The following MREG variants were observed in gnomAD, a reference collection of about 807,000 sequenced individuals.
MREG encodes the protein dilute suppressor protein homolog.
A neutral mutation model predicts 28.5 loss-of-function variants in MREG; 31 were observed. The observed-to-expected ratio is 1.09, with a 90% CI of 0.82 to 1.47. The LOEUF (loss-of-function observed/expected upper bound fraction) is 1.47. MREG is among the 40% of genes most tolerant of loss of function. The probability of loss-of-function intolerance (pLI) is 0.00; values close to 1 mark genes in which losing one functional copy is unlikely to be tolerated. For synonymous variants in MREG, 106 were observed against 95.2 expected, an observed-to-expected ratio of 1.11 and a Z score of -0.66; for missense variants, 256 against 257.4, an observed-to-expected ratio of 0.99 and a Z score of 0.04.
At chr2:216,019,432 A>G (rs1003424911) in intron 1 of MREG, among the ~76,000 whole-genome samples, 1 of 151,692 alleles carries the variant, frequency 6.6e-6, no homozygotes, top group Non-Finnish European at 1.5e-5. Context: ...AGAAACAGAC[A>G]CTATCTATCT....
intron 1 of MREG, among the ~76,000 whole-genome samples, chr2:216,002,476 T>C (rs376236450): frequency 1.3e-5 from 2 of 152,044 alleles, no homozygotes; most frequent in East Asian, 1.9e-4. Flanking sequence ...ACTTTACTGC[T>C]CTCCCCACAG....
chr2:215,997,692 T>C (rs1185320247), intron 1 of MREG, among the ~76,000 whole-genome samples: 1 of 152,148 alleles, frequency 6.6e-6, no homozygotes, highest in East Asian at 1.9e-4. Flanking sequence ...ATATGCAAGC[T>C]GCTAAGAGAA....
At chr2:215,992,346 G>A (rs1693740194) in intron 2 of MREG, among the ~76,000 whole-genome samples, 1 of 152,108 alleles carries the variant, frequency 6.6e-6, no homozygotes, top group Non-Finnish European at 1.5e-5. Flanking sequence ...AAATTCAACA[G>A]CCCTTCATGC....
intron 2 of MREG, among the ~76,000 whole-genome samples, chr2:215,994,371 A>C (rs1336875353): frequency 1.3e-5 from 2 of 151,358 alleles, no homozygotes; most frequent in Non-Finnish European, 2.9e-5. Flanking sequence ...ATGAGAACAC[A>C]GGGACACGGG....
Position 215,943,613 on chromosome 2 carries a change from A to AAGGTG in MREG, c.*1249_*1250insCACCT. On this transcript the variant is annotated 3_prime_UTR_variant, in exon 5 of 5. Coordinates refer to ENST00000263268, the MANE Select transcript of MREG (RefSeq NM_018000.3). ...TCCCAGCACTTTGGGAGGCTGGGGC[A>AAGGTG]GGCGGATGACGAGGTCAGGAGATCG... is the stretch of plus-strand genomic sequence containing the variant. The AAGGTG allele has an allele frequency of 4.9e-5, 20 of 405,320 alleles. No individual in the cohort carries two copies. Among genetic ancestry groups the AAGGTG allele is most frequent in the Non-Finnish European group, 7.4e-5 (15 of 202,344 alleles). 25.1% of individuals were successfully genotyped at this position (405,320 alleles called of 1,614,324 possible).
chr2:215,989,440 G>A (rs186000706), intron 2 of MREG, among the ~76,000 whole-genome samples: 133 of 152,272 alleles, frequency 8.7e-4, no homozygotes, highest in African/African-American at 3.1e-3. Flanking sequence ...AGATGAGGAA[G>A]ACCAGTGCAA....
Position 216,013,420 on chromosome 2 carries a change from C to A in MREG, c.-93G>T. The A allele has an allele frequency of 1.1e-6, 1 of 902,802 alleles. No individual in the cohort carries two copies. Among genetic ancestry groups the A allele is most frequent in the South Asian group, 3.4e-5 (1 of 29,248 alleles). The allele number at this position is 902,802 out of a possible 1,614,324, so 55.9% of individuals were successfully genotyped here. On this transcript the variant is annotated 5_prime_UTR_variant, in exon 1 of 5. Transcript: ENST00000263268. ...GGGGCGCGGCCACCGCGCCAGCGTC[C>A]AGGTGCGGGGACAGCGGCAGCCCGG...
At chr2:216,032,154 G>A (rs1356810342) in intron 1 of MREG, among the ~76,000 whole-genome samples, 2 of 152,092 alleles carry the variant, frequency 1.3e-5, no homozygotes, top group African/African-American at 2.4e-5. Context: ...TCAAATCCTT[G>A]CTATTTAAGT....
chr2:215,999,718 G>A lies in MREG; in HGVS notation c.96-3253C>T, dbSNP rs116445908. Among the ~76,000 whole-genome samples the A allele has an allele frequency of 6.4e-4, 97 of 152,306 alleles. 1 individual carries two copies. The highest frequency in any genetic ancestry group is 2.1e-3 in the African/African-American group (87 of 41,558). Reference sequence around the variant, plus strand: ...ACCGATTCCAGCAGCATCAGAGAGCGGGTGACAGCAGCCCATGGTGGGAGG... The same window carrying A: ...ACCGATTCCAGCAGCATCAGAGAGCAGGTGACAGCAGCCCATGGTGGGAGG... On this transcript the variant is annotated intron_variant, in intron 1 of 4. Transcript: ENST00000263268.
At chr2:215,983,454 T>G (rs1305489757) in intron 2 of MREG, among the ~76,000 whole-genome samples, 2 of 152,220 alleles carry the variant, frequency 1.3e-5, no homozygotes, top group Non-Finnish European at 2.9e-5. Flanking sequence ...ATAGGCTAAG[T>G]GTATGACCCA....
intron 2 of MREG, among the ~76,000 whole-genome samples, chr2:215,995,996 T>C (rs948232751): frequency 3.9e-5 from 6 of 152,218 alleles, no homozygotes; most frequent in Admixed American, 3.3e-4. Context: ...ACTGGAAAGA[T>C]TAGAGATGGA....
At chr2:215,957,218 T>A (rs1328331902) in intron 2 of MREG, among the ~76,000 whole-genome samples, 1 of 152,146 alleles carries the variant, frequency 6.6e-6, no homozygotes, top group Non-Finnish European at 1.5e-5. Flanking sequence ...AAAACACAAT[T>A]GAAATCTGGG....
chr2:216,018,646 C>T (rs990065022), intron 1 of MREG, among the ~76,000 whole-genome samples: 68 of 152,336 alleles, frequency 4.5e-4, no homozygotes, highest in African/African-American at 1.6e-3. Flanking sequence ...CCCAAGTGAT[C>T]CAAGATAGAG....
In MREG at chr2:215,993,169, A is replaced by G. The variant is rs138758744; in HGVS notation, c.255+3137T>C. ...ATGCTATGCTACCTGACTTCAAACT[A>G]TATTACAAGGCTACAGTAACCAAAA... On this transcript the variant is annotated intron_variant, in intron 2 of 4. Transcript: ENST00000263268. Among the ~76,000 whole-genome samples, 1,127 of 152,326 alleles carry G rather than the reference A, an allele frequency of 7.4e-3. 10 individuals carry two copies. The highest frequency in any genetic ancestry group is 0.025 in the African/African-American group (1,057 of 41,566).
At chr2:215,948,997 G>A (rs563776988) in intron 2 of MREG, among the ~76,000 whole-genome samples, 12 of 148,278 alleles carry the variant, frequency 8.1e-5, no homozygotes, top group African/African-American at 3.0e-4. Context: ...GAGGTCAGGA[G>A]TTCGATACCA....
chr2:215,959,056 C>T (rs1692711716), intron 2 of MREG, among the ~76,000 whole-genome samples: 1 of 152,062 alleles, frequency 6.6e-6, no homozygotes. Context: ...AGCTGATCCC[C>T]CTCACTCTCA....
chr2:215,970,240 A>G (rs1166618765), intron 2 of MREG, among the ~76,000 whole-genome samples: 2 of 152,160 alleles, frequency 1.3e-5, no homozygotes, highest in Non-Finnish European at 2.9e-5. Flanking sequence ...ACAAAGATAC[A>G]GGGAGAAGAC....
chr2:215,955,674 A>C (rs1356170092), intron 2 of MREG, among the ~76,000 whole-genome samples: 1 of 152,214 alleles, frequency 6.6e-6, no homozygotes, highest in Non-Finnish European at 1.5e-5. Flanking sequence ...CTTAAAATGA[A>C]GAGGGATTAT....
intron 2 of MREG, among the ~76,000 whole-genome samples, chr2:215,947,843 GA>G (rs1463179940): frequency 6.6e-6 from 1 of 152,160 alleles, no homozygotes; most frequent in Non-Finnish European, 1.5e-5. Flanking sequence ...CTATGTAAAG[GA>G]GGCCATCATG....
Sources: allele counts gnomAD v4.1 joint callset (sites outside exome capture counted in the v4.1 genomes callset), GRCh38; gene constraint gnomAD v4.1.1; transcripts MANE v1.5; gene names NCBI Gene and HGNC (gene_info 2026-07-23, HGNC 2026-07-21).